COL4A2: variants seen among roughly 807,000 people sequenced by gnomAD.
The protein encoded by COL4A2 is collagen type IV alpha 2 chain.
COL4A2 carries 99 observed loss-of-function variants against 200.2 expected under a neutral mutation model. That is an observed-to-expected ratio of 0.49 (90% CI 0.42 to 0.58). The LOEUF is 0.58. Ranked by LOEUF, COL4A2 falls within the 20% of genes least tolerant of loss-of-function variation. The pLI, the probability that COL4A2 is intolerant of heterozygous loss-of-function variation, is 0.00. For missense variants in COL4A2, 1,950 were observed against 2,314.1 expected (o/e 0.84, Z 3.23); for synonymous variants, 897 against 900.6 (o/e 1.00, Z 0.07).
intron 3 of COL4A2, among the ~76,000 whole-genome samples, chr13:110,351,259 C>T (rs919265762): frequency 6.6e-6 from 1 of 151,812 alleles, no homozygotes; most frequent in African/African-American, 2.4e-5. Context: ...TTGTTTTGTA[C>T]AGACAGGGTT....
At chr13:110,317,264 TCACA>T (rs527630448) in intron 3 of COL4A2, among the ~76,000 whole-genome samples, 5 of 142,438 alleles carry the variant, frequency 3.5e-5, no homozygotes, top group East Asian at 4.2e-4. Flanking sequence ...TGCACCACAC[TCACA>T]CATACACACA....
At chr13:110,360,253 T>C (rs1000750913) in intron 4 of COL4A2, among the ~76,000 whole-genome samples, 13 of 152,368 alleles carry the variant, frequency 8.5e-5, no homozygotes, top group East Asian at 3.9e-4. Flanking sequence ...TTCTTCTCCA[T>C]GTCATCAGAT....
At chr13:110,473,293 C>A in intron 29 of COL4A2, 143 bp downstream of exon 29, 1 of 696,330 alleles carries the variant, frequency 1.4e-6, no homozygotes, top group Non-Finnish European at 2.3e-6. Flanking sequence ...CCATGGCCTT[C>A]CAGCACTCCT....
At position 110,472,003 on chromosome 13, in the gene COL4A2, C is replaced by T. The variant is rs539163519; in HGVS notation, c.2204-926C>T. Among the ~76,000 whole-genome samples the T allele has an allele frequency of 5.9e-5, 9 of 152,064 alleles. No homozygotes were observed. In the Middle Eastern group the frequency reaches 0.01, roughly 172 times the overall value. On this transcript the variant is annotated intron_variant, in intron 28 of 47. Coordinates refer to ENST00000360467, the MANE Select transcript of COL4A2 (RefSeq NM_001846.4). ...GAGGCCATGTCAGGGCTGACTGCACCGAAAAAGGAAGTGACCTGATGAGAT... is the reference window on the plus strand; with the variant it reads ...GAGGCCATGTCAGGGCTGACTGCACTGAAAAAGGAAGTGACCTGATGAGAT...
chr13:110,454,649 C>T (rs1006046155), intron 20 of COL4A2, among the ~76,000 whole-genome samples: 7 of 152,124 alleles, frequency 4.6e-5, no homozygotes, highest in Non-Finnish European at 7.3e-5. Context: ...CTCCCCTCCA[C>T]TCCCGGGAAA....
intron 18 of COL4A2, among the ~76,000 whole-genome samples, chr13:110,449,473 C>T (rs960368964): frequency 3.9e-5 from 6 of 152,184 alleles, no homozygotes; most frequent in African/African-American, 1.2e-4. Flanking sequence ...CTTCCTCACC[C>T]GGTTTTCACT....
intron 29 of COL4A2, 94 bp downstream of exon 29, chr13:110,473,244 G>A (rs759222204): frequency 1.6e-5 from 20 of 1,223,004 alleles, no homozygotes; most frequent in Admixed American, 2.4e-5. Context: ...TTGGTAGGAA[G>A]CAGCGGTGCC....
At chr13:110,469,856 C>G (rs940162306) in intron 28 of COL4A2, among the ~76,000 whole-genome samples, 27 of 145,836 alleles carry the variant, frequency 1.9e-4, no homozygotes, top group African/African-American at 6.8e-4. Flanking sequence ...GTGCCACAGG[C>G]GATGTGCATG....
At chr13:110,330,970 C>T (rs773029726) in intron 3 of COL4A2, among the ~76,000 whole-genome samples, 9 of 152,094 alleles carry the variant, frequency 5.9e-5, no homozygotes, top group Non-Finnish European at 1.2e-4. Context: ...CCGATCTCGC[C>T]GTGCCATCAC....
At position 110,347,618 on chromosome 13, in the gene COL4A2, G is replaced by A. The variant is rs78736646; in HGVS notation, c.100-9854G>A. ...TCAGGATGACTAATGTCACTGGGATGTGTTCTGGCCCTGGCCTTTGGCCCA... is the reference window on the plus strand; with the variant it reads ...TCAGGATGACTAATGTCACTGGGATATGTTCTGGCCCTGGCCTTTGGCCCA... On this transcript the variant is annotated intron_variant, in intron 3 of 47. Coordinates refer to ENST00000360467, the MANE Select transcript of COL4A2 (RefSeq NM_001846.4). 2.5e-3 allele frequency among the ~76,000 whole-genome samples: 377 copies of A among 152,378 alleles called. 1 individual carries two copies. Among genetic ancestry groups the A allele is most frequent in the African/African-American group, 8.8e-3 (364 of 41,596 alleles).
At position 110,430,549 on chromosome 13, in the gene COL4A2, C is replaced by T; in HGVS notation, c.590C>T (p.Pro197Leu). The change falls in exon 10 of 48, where the codon CCT (proline) becomes CTT (leucine). Residue 197 changes from proline (P) to leucine (L), a missense_variant. Physicochemically the swap from Pro to Leu is moderately conservative, Grantham distance 98. This residue lies in a region of COL4A2 where 565 missense variants were observed against 593.5 expected (regional missense o/e 0.95). Coordinates refer to ENST00000360467, the MANE Select transcript of COL4A2 (RefSeq NM_001846.4). ...TCTCCCGCTGCCTATCCATAGGGAC[C>T]TCCCGGCCGCCCTGGGCATGTGGGA... ...GEPGLVGFQG[P>L]PGRPGHVGQM... is the part of the protein sequence containing the mutation. The T allele has an allele frequency of 6.2e-7, 1 of 1,614,176 alleles. No individual in the cohort carries two copies. The highest frequency in any genetic ancestry group is 1.1e-5 in the South Asian group (1 of 91,074).
chr13:110,493,542 G>T (rs963293902), intron 39 of COL4A2, among the ~76,000 whole-genome samples: 4 of 152,202 alleles, frequency 2.6e-5, no homozygotes, highest in Non-Finnish European at 4.4e-5. Flanking sequence ...GACGGAGAGA[G>T]AAATAGAGTC....
intron 3 of COL4A2, among the ~76,000 whole-genome samples, chr13:110,345,659 A>G (rs966276197): frequency 3.9e-5 from 6 of 152,170 alleles, no homozygotes; most frequent in African/African-American, 1.2e-4. Context: ...CCACCTAGCT[A>G]AGTACCGACC....
At chr13:110,445,943 C>T (rs1216726358) in intron 17 of COL4A2, 61 bp downstream of exon 17, 3 of 1,584,560 alleles carry the variant, frequency 1.9e-6, no homozygotes, top group Middle Eastern at 1.7e-4. Context: ...GCTGGCCTTA[C>T]TCCCCTCTTG....
intron 4 of COL4A2, among the ~76,000 whole-genome samples, chr13:110,390,968 T>G (rs895543152): frequency 3.3e-5 from 5 of 152,260 alleles, no homozygotes; most frequent in African/African-American, 1.2e-4. Context: ...CACTATCTTT[T>G]CAAACTGTTT....
intron 41 of COL4A2, chr13:110,502,810 G>C (rs151201590): frequency 2.4e-5 from 7 of 293,328 alleles, no homozygotes; most frequent in Admixed American, 1.6e-4. Flanking sequence ...CTGAGGGTTG[G>C]GGGGAGAGGG....
chr13:110,321,599 CT>C (rs577784578), intron 3 of COL4A2, among the ~76,000 whole-genome samples: 5 of 152,314 alleles, frequency 3.3e-5, no homozygotes, highest in Non-Finnish European at 7.4e-5. Flanking sequence ...TTGTGACTGG[CT>C]TACTTCGTTT....
chr13:110,345,373 AC>A (rs1876649794), intron 3 of COL4A2, among the ~76,000 whole-genome samples: 1 of 152,196 alleles, frequency 6.6e-6, no homozygotes, highest in Non-Finnish European at 1.5e-5. Flanking sequence ...AGTGGAGGGA[AC>A]AGTGGATGCA....
chr13:110,474,713 A>ACC lies in COL4A2; in HGVS notation c.2425+1563_2425+1564insCC, dbSNP rs1882620828. ...CACACACGTGCCTGTGTACACTCAC[A>ACC]TGATCACACACGCACGTACCCACAC... On this transcript the variant is annotated intron_variant, in intron 29 of 47. Transcript: ENST00000360467. Among the ~76,000 whole-genome samples, 4 of 132,420 alleles carry ACC rather than the reference A, an allele frequency of 3.0e-5. 2 individuals are homozygous for ACC. Among genetic ancestry groups the ACC allele is most frequent in the African/African-American group, 5.7e-5 (2 of 34,890 alleles). 86.9% of individuals were successfully genotyped at this position (132,420 alleles called of 152,430 possible).
Sources: allele counts gnomAD v4.1 joint callset (sites outside exome capture counted in the v4.1 genomes callset), GRCh38; gene constraint gnomAD v4.1.1; regional missense constraint gnomAD v4.1.1; transcripts MANE v1.5; gene names NCBI Gene and HGNC (gene_info 2026-07-23, HGNC 2026-07-21).